PLD5: variants seen among roughly 807,000 people sequenced by gnomAD.
PLD5 encodes the protein phospholipase D family member 5.
In PLD5, 36 loss-of-function variants were observed where a neutral mutation model predicts 61.1. The observed-to-expected ratio is 0.59, with a 90% CI of 0.45 to 0.78. The LOEUF (loss-of-function observed/expected upper bound fraction) is 0.78. Ranked by LOEUF, PLD5 falls within the 30% of genes least tolerant of loss-of-function variation. The pLI is 0.00. For missense variants in PLD5, 515 were observed against 644.4 expected (o/e 0.80, Z 2.17); for synonymous variants, 243 against 242.8 (o/e 1.00, Z -0.01).
chr1:242,529,781 TC>T, the PLD5 span, among the ~76,000 whole-genome samples: 14 of 65,236 alleles, frequency 2.1e-4, no homozygotes, highest in Non-Finnish European at 2.9e-4. Context: ...ACTGGGATCT[TC>T]CTTCCTTCCT....
chr1:242,097,666 A>G (rs994356416), intron 9 of PLD5, among the ~76,000 whole-genome samples: 29 of 152,130 alleles, frequency 1.9e-4, no homozygotes, highest in Admixed American at 7.2e-4. Flanking sequence ...AGATGAGTAG[A>G]TTGCAAAAAT....
intron 2 of PLD5, among the ~76,000 whole-genome samples, chr1:242,347,768 C>T (rs573292018): frequency 1.3e-5 from 2 of 152,292 alleles, no homozygotes; most frequent in South Asian, 2.1e-4. Flanking sequence ...ACTAGCACAG[C>T]GTTCTTTGTC....
In PLD5 at chr1:242,362,419, A is replaced by G. The variant is rs552267015; in HGVS notation, c.190-14177T>C. Among the ~76,000 whole-genome samples the G allele has an allele frequency of 3.3e-5, 5 of 152,188 alleles. No individual in the cohort carries two copies. The South Asian group carries it at 8.3e-4, about 25-fold the overall frequency. On this transcript the variant is annotated intron_variant, in intron 1 of 9. Coordinates refer to ENST00000536534, the MANE Select transcript of PLD5 (RefSeq NM_001372062.1). ...CTTCATTTTCTACTTAATTTTCACTATAGTTATTGTTATTATTACCAGCTT... is the reference window on the plus strand; with the variant it reads ...CTTCATTTTCTACTTAATTTTCACTGTAGTTATTGTTATTATTACCAGCTT...
At chr1:242,287,856 C>T (rs1445015810) in intron 3 of PLD5, among the ~76,000 whole-genome samples, 1 of 152,088 alleles carries the variant, frequency 6.6e-6, no homozygotes, top group Non-Finnish European at 1.5e-5. Flanking sequence ...ATTTCTTTTT[C>T]CCATTCATCC....
intron 3 of PLD5, among the ~76,000 whole-genome samples, chr1:242,286,648 ATTCT>A (rs1675042405): frequency 6.6e-6 from 1 of 152,208 alleles, no homozygotes; most frequent in Non-Finnish European, 1.5e-5. Flanking sequence ...CAAATTTATC[ATTCT>A]TTGTCTAAAA....
intron 4 of PLD5, among the ~76,000 whole-genome samples, chr1:242,226,682 C>A (rs181781125): frequency 1.3e-5 from 2 of 152,118 alleles, no homozygotes; most frequent in African/African-American, 4.8e-5. Flanking sequence ...AGGTTTTACC[C>A]GCTTCTTGGG....
intron 5 of PLD5, among the ~76,000 whole-genome samples, chr1:242,168,846 GTTTTTT>G (rs34280777): frequency 2.7e-5 from 3 of 111,278 alleles, no homozygotes; most frequent in East Asian, 3.6e-4. Flanking sequence ...AATTAATGAA[GTTTTTT>G]TTTTTTTTTT....
In PLD5 at chr1:242,089,600, G is replaced by A; in HGVS notation, c.*254C>T. ...AGCAGGAATGAAAGTCTTAAAATTTGTATGCAAACGTAAAAACTAACTTCT... is the reference window on the plus strand; with the variant it reads ...AGCAGGAATGAAAGTCTTAAAATTTATATGCAAACGTAAAAACTAACTTCT... On this transcript the variant is annotated 3_prime_UTR_variant, in exon 10 of 10. Transcript: ENST00000536534. The A allele has an allele frequency of 1.8e-6, 1 of 551,748 alleles. No individual in the cohort carries two copies. The highest frequency in any genetic ancestry group is 3.1e-6 in the Non-Finnish European group (1 of 319,318). The allele number at this position is 551,748 out of a possible 1,614,324, so 34.2% of individuals were successfully genotyped here.
intron 5 of PLD5, among the ~76,000 whole-genome samples, chr1:242,159,441 T>C (rs764692443): frequency 2.6e-5 from 4 of 152,154 alleles, no homozygotes; most frequent in Non-Finnish European, 5.9e-5. Flanking sequence ...TCTAGTAATG[T>C]GTTTGCTCCT....
intron 1 of PLD5, among the ~76,000 whole-genome samples, chr1:242,483,691 G>A (rs1180970737): frequency 6.6e-6 from 1 of 152,138 alleles, no homozygotes; most frequent in Middle Eastern, 3.2e-3. Context: ...ATTGAACTCA[G>A]CTCTGCACCA....
At chr1:242,465,718 G>T (rs1334695106) in intron 1 of PLD5, among the ~76,000 whole-genome samples, 19 of 152,166 alleles carry the variant, frequency 1.2e-4, no homozygotes, top group Non-Finnish European at 2.9e-5. Flanking sequence ...CATGAGGTCA[G>T]GAGTTCAAGA....
intron 5 of PLD5, among the ~76,000 whole-genome samples, chr1:242,145,263 TCA>T (rs1664465947): frequency 6.6e-6 from 1 of 152,182 alleles, no homozygotes; most frequent in African/African-American, 2.4e-5. Flanking sequence ...GAGAACCATC[TCA>T]CAGAAATAAA....
intron 9 of PLD5, among the ~76,000 whole-genome samples, chr1:242,093,144 G>A (rs1457132146): frequency 6.6e-6 from 1 of 152,150 alleles, no homozygotes; most frequent in African/African-American, 2.4e-5. Context: ...GCTGCCCAGA[G>A]ACCCCCGTGG....
chr1:242,207,782 A>T (rs1443375558), intron 5 of PLD5, among the ~76,000 whole-genome samples: 1 of 73,188 alleles, frequency 1.4e-5, no homozygotes, highest in African/African-American at 1.1e-4. Context: ...ATTTATATAT[A>T]TTTATATTTA....
chr1:242,434,934 G>A (rs964437424), intron 1 of PLD5, among the ~76,000 whole-genome samples: 2 of 152,090 alleles, frequency 1.3e-5, no homozygotes, highest in African/African-American at 2.4e-5. Flanking sequence ...TGTTACATAG[G>A]TAAACATTTA....
intron 7 of PLD5, among the ~76,000 whole-genome samples, chr1:242,112,283 CTGTGTGTGTGTGTGTGTGTGTGTG>C (rs748175841): frequency 3.3e-5 from 4 of 119,756 alleles, no homozygotes; most frequent in Admixed American, 8.5e-5. Context: ...AAAGGATGCA[CTGTGTGTGTGTGTGTGTGTGTGTG>C]TGTGTGTGTG....
rs1451854966 is a variant in PLD5, at chr1:242,494,219, A to G, written c.189+29869T>C. Among the ~76,000 whole-genome samples, 5 of 151,042 alleles carry G rather than the reference A, an allele frequency of 3.3e-5. No homozygotes were observed. The East Asian group carries it at 7.9e-4, about 24-fold the overall frequency. On this transcript the variant is annotated intron_variant, in intron 1 of 9. Coordinates refer to ENST00000536534, the MANE Select transcript of PLD5 (RefSeq NM_001372062.1). ...CTAACTCGGGCCAAATGGCACTCAC[A>G]TCCCCTTTTCCCAGGCTATGCAAGA... is the stretch of plus-strand genomic sequence containing the variant.
intron 2 of PLD5, 63 bp downstream of exon 2, chr1:242,348,043 C>T (rs1039703134): frequency 6.3e-7 from 1 of 1,578,954 alleles, no homozygotes; most frequent in African/African-American, 1.3e-5. Context: ...CTCCATTGTT[C>T]AAGGCCCTCT....
At chr1:242,413,740 C>T (rs1211604754) in intron 1 of PLD5, among the ~76,000 whole-genome samples, 4 of 152,172 alleles carry the variant, frequency 2.6e-5, no homozygotes, top group Non-Finnish European at 5.9e-5. Context: ...TAGGAAGAGG[C>T]AGGCATCCCA....
Sources: gnomAD v4.1 joint callset for allele counts (sites outside exome capture counted in the v4.1 genomes callset) on GRCh38, gnomAD v4.1.1 for gene constraint, MANE v1.5 for transcripts, NCBI Gene and HGNC (gene_info 2026-07-23, HGNC 2026-07-21) for gene names.